GCNT1: variants seen among roughly 807,000 people sequenced by gnomAD.
GCNT1 encodes beta-1,3-galactosyl-O-glycosyl-glycoprotein beta-1,6-N-acetylglucosaminyltransferase.
GCNT1 carries 16 observed loss-of-function variants against 26.2 expected under a neutral mutation model. The ratio of observed to expected loss-of-function variants is 0.61; its 90% confidence interval spans 0.41 to 0.93. GCNT1 has a LOEUF of 0.93. Among genes scored for constraint, GCNT1 ranks in the 40% least tolerant of loss-of-function variants. The probability of loss-of-function intolerance (pLI) is 0.00; values close to 1 mark genes in which losing one functional copy is unlikely to be tolerated. For missense variants in GCNT1, 477 were observed against 526.7 expected (o/e 0.91, Z 0.92); for synonymous variants, 183 against 190.8 (o/e 0.96, Z 0.34).
upstream of GCNT1, among the ~76,000 whole-genome samples, chr9:76,416,389 G>A (rs1054591281): frequency 2.0e-5 from 3 of 152,198 alleles, no homozygotes; most frequent in African/African-American, 7.2e-5. Flanking sequence ...ACAAGGACCA[G>A]GATACCAAGA....
At chr9:76,417,271 C>T (rs1038784895), upstream of GCNT1, among the ~76,000 whole-genome samples, 2 of 152,126 alleles carry the variant, frequency 1.3e-5, no homozygotes, top group African/African-American at 2.4e-5. Context: ...ATGCCATCTC[C>T]GCAGTAAATG....
At chr9:76,456,854 G>T (rs370437129), upstream of GCNT1, among the ~76,000 whole-genome samples, 1 of 152,130 alleles carries the variant, frequency 6.6e-6, no homozygotes, top group Admixed American at 6.6e-5. Context: ...CACACCTGTA[G>T]TCCCAGCTAC....
chr9:76,459,465 G>C (rs1564230957), intron 1 of GCNT1, among the ~76,000 whole-genome samples, 160 bp downstream of exon 1: 1 of 152,172 alleles, frequency 6.6e-6, no homozygotes, highest in East Asian at 1.9e-4. Flanking sequence ...GTGCGCCCGG[G>C]ACCGGAATGG....
At position 76,503,340 on chromosome 9, in the gene GCNT1, A is replaced by T; in HGVS notation, c.959A>T (p.Glu320Val). Residue 320 changes from glutamate to valine, a missense_variant, in exon 4 of 4, where the codon GAG (glutamate) becomes GTG (valine). By Grantham distance (121) the Glu-to-Val change is moderately radical. Coordinates refer to ENST00000376730, the MANE Select transcript of GCNT1 (RefSeq NM_001490.5). ...GCACAAGACACATACAGCCCTGATG[A>T]GTATCTCTGGGCCACCATCCAAAGG... is the stretch of plus-strand genomic sequence containing the variant. ...EWAQDTYSPD[E>V]YLWATIQRIP... 2 of 1,613,986 alleles carry T rather than the reference A, an allele frequency of 1.2e-6. No individual in the cohort carries two copies. The highest frequency in any genetic ancestry group is 8.5e-7 in the Non-Finnish European group (1 of 1,179,862).
intron 1 of GCNT1, among the ~76,000 whole-genome samples, chr9:76,427,418 G>A (rs1339886196): frequency 1.3e-5 from 2 of 152,168 alleles, no homozygotes; most frequent in South Asian, 2.1e-4. Context: ...GGGCTCAAGC[G>A]ATCTGCCCGC....
chr9:76,421,901 TAGTTC>T lies in GCNT1; in HGVS notation n.38+2016_38+2020del, dbSNP rs1823201928. Among the ~76,000 whole-genome samples the T allele has an allele frequency of 3.3e-5, 5 of 152,026 alleles. No homozygotes were observed. The South Asian group carries it at 1.0e-3, about 32-fold the overall frequency. ...TAGAGCCAGGGTTTTACCGTTATGTTAGTTCATTCTTAGGCTGCTATGAAGAAATA... is the reference window on the plus strand; with the variant it reads ...TAGAGCCAGGGTTTTACCGTTATGTTATTCTTAGGCTGCTATGAAGAAATA... On this transcript the variant is annotated intron_variant and non_coding_transcript_variant, in intron 1 of 3. Transcript: ENST00000488136.
intron 2 of GCNT1, among the ~76,000 whole-genome samples, chr9:76,494,023 G>A (rs1824828103): frequency 6.6e-6 from 1 of 152,000 alleles, no homozygotes; most frequent in South Asian, 2.1e-4. Flanking sequence ...TGATGCCTGA[G>A]TGTTTCCCAT....
intron 1 of GCNT1, among the ~76,000 whole-genome samples, chr9:76,447,151 CAAAAA>C (rs532132124): frequency 1.4e-4 from 5 of 35,990 alleles, no homozygotes; most frequent in Non-Finnish European, 2.3e-4. Flanking sequence ...AACCCTGTGT[CAAAAA>C]AAAAAAAAAA....
chr9:76,490,357 G>C (rs976113582), intron 2 of GCNT1, among the ~76,000 whole-genome samples: 2 of 152,134 alleles, frequency 1.3e-5, no homozygotes, highest in African/African-American at 4.8e-5. Context: ...CAAACTGTAT[G>C]AGAAATCCTT....
intron 2 of GCNT1, among the ~76,000 whole-genome samples, chr9:76,465,931 C>T (rs1051895965): frequency 6.6e-6 from 1 of 152,058 alleles, no homozygotes; most frequent in African/African-American, 2.4e-5. Flanking sequence ...AGCGGGTTGG[C>T]ACGAGGTGTG....
At chr9:76,461,985 A>G (rs1432247071) in intron 2 of GCNT1, among the ~76,000 whole-genome samples, 1 of 152,236 alleles carries the variant, frequency 6.6e-6, no homozygotes, top group Admixed American at 6.5e-5. Context: ...CACGGTGATT[A>G]TATTCTCCGA....
rs186132788 is a variant in GCNT1 at position 76,467,796 on chromosome 9, G to A, written c.-290+7619G>A. ...TATATTGGTATCCAAAGCAGGAAGC[G>A]AAGGACAGTCCTTTGGGGGTGTTGA... On this transcript the variant is annotated intron_variant, in intron 2 of 3. Transcript: ENST00000376730. 2.6e-3 allele frequency among the ~76,000 whole-genome samples: 391 copies of A among 151,638 alleles called. 2 individuals carry two copies. Among genetic ancestry groups the A allele is most frequent in the African/African-American group, 9.1e-3 (374 of 41,310 alleles).
At chr9:76,414,339 G>A in the GCNT1 span, among the ~76,000 whole-genome samples, 8 of 152,156 alleles carry the variant, frequency 5.3e-5, no homozygotes, top group East Asian at 1.5e-3. Flanking sequence ...GATTTGAGGG[G>A]AGGAGAAGCA....
chr9:76,461,992 C>A (rs930950741), intron 2 of GCNT1, among the ~76,000 whole-genome samples: 1 of 152,196 alleles, frequency 6.6e-6, no homozygotes, highest in East Asian at 1.9e-4. Context: ...ATTATATTCT[C>A]CGATGAATGG....
the GCNT1 span, among the ~76,000 whole-genome samples, chr9:76,399,770 G>T: frequency 2.7e-5 from 4 of 150,894 alleles, no homozygotes; most frequent in East Asian, 3.9e-4. Flanking sequence ...TTTTTATTTT[G>T]TTTCACATGG....
At chr9:76,502,179 GTATATA>G (rs59104914) in intron 3 of GCNT1, 54 bp from the exon 4 acceptor site, 19,396 of 154,320 alleles carry the variant, frequency 0.13, 1,498 homozygotes, top group African/African-American at 0.23. Flanking sequence ...CTCTCTCTCT[GTATATA>G]TATATATATA....
chr9:76,488,652 T>C (rs542781024), intron 2 of GCNT1, among the ~76,000 whole-genome samples: 2 of 152,240 alleles, frequency 1.3e-5, no homozygotes, highest in East Asian at 3.9e-4. Context: ...GCCCCGCTAA[T>C]TTTTGTACTT....
chr9:76,448,264 C>T (rs1056428316), intron 1 of GCNT1, among the ~76,000 whole-genome samples: 1 of 152,144 alleles, frequency 6.6e-6, no homozygotes, highest in Non-Finnish European at 1.5e-5. Context: ...CCAGCCTGGG[C>T]AACATGGTGA....
the GCNT1 span, among the ~76,000 whole-genome samples, chr9:76,406,253 G>A: frequency 2.0e-5 from 3 of 152,226 alleles, no homozygotes; most frequent in Admixed American, 6.5e-5. Context: ...TCAGCACTTT[G>A]GGAGGCCAAG....
Sources: allele counts gnomAD v4.1 joint callset (sites outside exome capture counted in the v4.1 genomes callset), GRCh38; gene constraint gnomAD v4.1.1; transcripts MANE v1.5; gene names NCBI Gene and HGNC (gene_info 2026-07-23, HGNC 2026-07-21).